Variants in EPN2 observed in about 807,000 individuals in gnomAD.
The protein encoded by EPN2 is epsin 2.
Under a neutral mutation model 61.7 loss-of-function variants are expected in EPN2, and 34 were observed. The ratio of observed to expected loss-of-function variants is 0.55; its 90% CI spans 0.42 to 0.73. The LOEUF (loss-of-function observed/expected upper bound fraction) is 0.73. EPN2 is among the 30% of genes least tolerant of loss of function. The pLI, the probability that EPN2 is intolerant of heterozygous loss-of-function variation, is 0.00. For synonymous variants in EPN2, 349 were observed against 353.6 expected (o/e 0.99, Z 0.15); for missense variants, 714 against 839.2 (o/e 0.85, Z 1.84).
At chr17:19,277,060 A>G (rs540006120) in intron 1 of EPN2, among the ~76,000 whole-genome samples, 2 of 152,260 alleles carry the variant, frequency 1.3e-5, no homozygotes, top group Non-Finnish European at 2.9e-5. Context: ...GGAGCGTGCA[A>G]ACTATGCGAA....
At chr17:19,266,291 G>A (rs950913804) in intron 1 of EPN2, among the ~76,000 whole-genome samples, 3 of 152,098 alleles carry the variant, frequency 2.0e-5, no homozygotes, top group Non-Finnish European at 2.9e-5. Flanking sequence ...AAAGTTAAAC[G>A]TGTAGTTACC....
At position 19,329,667 on chromosome 17, in the gene EPN2, G is replaced by C; in HGVS notation, c.1411+20G>C. The C allele has an allele frequency of 6.8e-7, 1 of 1,464,324 alleles. No homozygotes were observed. Among genetic ancestry groups the C allele is most frequent in the Non-Finnish European group, 9.5e-7 (1 of 1,048,236 alleles). 90.7% of individuals were successfully genotyped at this position (1,464,324 alleles called of 1,614,324 possible). On this transcript the variant is annotated intron_variant, in intron 9 of 10. Coordinates refer to ENST00000314728, the MANE Select transcript of EPN2 (RefSeq NM_014964.5). ...AAACAGGTATGTACAGGTGATGATG[G>C]TTTCCATAATCCTCCGTGCATTTGA...
chr17:19,299,728 A>C (rs1215385551), intron 4 of EPN2, among the ~76,000 whole-genome samples: 2 of 152,122 alleles, frequency 1.3e-5, no homozygotes, highest in Admixed American at 1.3e-4. Context: ...AAATGAATGG[A>C]CTGCCTTTTG....
At chr17:19,319,355 C>T (rs983407440) in intron 7 of EPN2, among the ~76,000 whole-genome samples, 4 of 151,840 alleles carry the variant, frequency 2.6e-5, no homozygotes, top group South Asian at 2.1e-4. Context: ...GATGGAGTCT[C>T]GTTTTGTCAC....
chr17:19,273,781 A>G (rs1451885838), intron 1 of EPN2, among the ~76,000 whole-genome samples: 1 of 152,236 alleles, frequency 6.6e-6, no homozygotes, highest in Non-Finnish European at 1.5e-5. Context: ...TATGAGGGAA[A>G]TAAAGGATTT....
At chr17:19,276,818 G>T (rs2045312242) in intron 1 of EPN2, among the ~76,000 whole-genome samples, 1 of 118,358 alleles carries the variant, frequency 8.4e-6, no homozygotes, top group Non-Finnish European at 1.6e-5. Flanking sequence ...ACTTTTAACA[G>T]AGTTTAATAC....
chr17:19,272,099 T>C (rs1315209871), intron 1 of EPN2, among the ~76,000 whole-genome samples: 1 of 152,196 alleles, frequency 6.6e-6, no homozygotes, highest in African/African-American at 2.4e-5. Context: ...TGGTAGTCCA[T>C]AGCTCGGCCT....
At chr17:19,258,542 C>A (rs953996026) in intron 1 of EPN2, among the ~76,000 whole-genome samples, 1 of 152,158 alleles carries the variant, frequency 6.6e-6, no homozygotes, top group Non-Finnish European at 1.5e-5. Context: ...CATATTCTTT[C>A]CACACAGTTT....
chr17:19,266,060 T>C (rs1264534999), intron 1 of EPN2, among the ~76,000 whole-genome samples: 1 of 152,056 alleles, frequency 6.6e-6, no homozygotes, highest in Non-Finnish European at 1.5e-5. Context: ...TCTTCCTACT[T>C]CCGCCTCTGC....
Position 19,279,444 on chromosome 17 carries a change from G to GT in EPN2, c.-293-2499dup, listed in dbSNP as rs1012028987. On this transcript the variant is annotated intron_variant, in intron 1 of 10. Transcript: ENST00000314728. Reference sequence around the variant, plus strand: ...CACTTAGGAAAGTGTTCCTTTTTTTGTTTTTTTTTTTTGAGACAGAGTCTC... The same window carrying GT: ...CACTTAGGAAAGTGTTCCTTTTTTTGTTTTTTTTTTTTTGAGACAGAGTCTC... Among the ~76,000 whole-genome samples, 1,174 of 143,266 alleles carry GT rather than the reference G, an allele frequency of 8.2e-3. 13 individuals are homozygous for GT. Among genetic ancestry groups the GT allele is most frequent in the African/African-American group, 0.023 (908 of 39,372 alleles). The allele number at this position is 143,266 out of a possible 152,430, so 94.0% of individuals were successfully genotyped here.
chr17:19,286,236 C>A (rs1173307941), intron 4 of EPN2, among the ~76,000 whole-genome samples: 1 of 152,168 alleles, frequency 6.6e-6, no homozygotes, highest in African/African-American at 2.4e-5. Flanking sequence ...AAGCCATTAT[C>A]CTTAATGCAG....
intron 7 of EPN2, among the ~76,000 whole-genome samples, chr17:19,326,647 A>T (rs555431186): frequency 2.7e-4 from 39 of 144,748 alleles, no homozygotes; most frequent in Non-Finnish European, 4.6e-4. Context: ...TGATTGCGCC[A>T]CTGCACTCCA....
At chr17:19,296,186 C>T (rs185760360) in intron 4 of EPN2, among the ~76,000 whole-genome samples, 87 of 152,124 alleles carry the variant, frequency 5.7e-4, no homozygotes, top group African/African-American at 1.8e-3. Context: ...AGTCTCACCC[C>T]GTCACCCAGG....
Position 19,334,046 on chromosome 17 carries a change from TG to T in EPN2, c.1722del (p.Thr575ProfsTer19). On this transcript the variant is annotated frameshift_variant, in exon 11 of 11. Transcript: ENST00000314728. LOFTEE classifies it high-confidence loss of function. This position sits in a 1 kb window ranked among gnomAD's most constrained non-coding sequence, Gnocchi z 4.9. The stretch of plus-strand genomic sequence containing the variant: ...AACCAGCTTCGGGGGAGCCCAGTCC[TG>T]GGGACCAGCACATCCTTTGGGCCTG... Reference protein sequence around the residue: ...TLNQLRGSPVLGTSTSFGPGP... With the variant: ...TLNQLRGSPVXGTSTSFGPGP... 1 of 1,608,272 alleles carries T rather than the reference TG, an allele frequency of 6.2e-7. No individual in the cohort carries two copies. The highest frequency in any genetic ancestry group is 1.3e-5 in the African/African-American group (1 of 74,978).
chr17:19,251,100 G>A (rs926373161), intron 1 of EPN2, among the ~76,000 whole-genome samples: 27 of 152,138 alleles, frequency 1.8e-4, no homozygotes, highest in African/African-American at 6.5e-4. Context: ...TGGTGTTTGT[G>A]AAAAGCAAGT....
chr17:19,276,360 A>ATTTTTTTTTTTTTT (rs140536354), intron 1 of EPN2: 7 of 79,920 alleles, frequency 8.8e-5, no homozygotes, highest in African/African-American at 3.1e-4. Flanking sequence ...GCTAATTAAA[A>ATTTTTTTTTTTTTT]TTTTTTTTTT....
chr17:19,256,728 A>C (rs955788222), intron 1 of EPN2, among the ~76,000 whole-genome samples: 1 of 152,068 alleles, frequency 6.6e-6, no homozygotes, highest in East Asian at 1.9e-4. Flanking sequence ...AGTGACTTAA[A>C]ATTTAGCTGT....
intron 1 of EPN2, among the ~76,000 whole-genome samples, chr17:19,239,659 C>T (rs1178502231): frequency 6.6e-6 from 1 of 152,192 alleles, no homozygotes; most frequent in Non-Finnish European, 1.5e-5. Flanking sequence ...GTCCCCGGAC[C>T]AGGAGCCAGT....
At chr17:19,238,413 C>G (rs2044843331) in intron 1 of EPN2, among the ~76,000 whole-genome samples, 1 of 152,208 alleles carries the variant, frequency 6.6e-6, no homozygotes, top group African/African-American at 2.4e-5. Context: ...CAGTGGCTTT[C>G]CCTGGGGCAG....
Sources: allele counts gnomAD v4.1 joint callset (sites outside exome capture counted in the v4.1 genomes callset), GRCh38; gene constraint gnomAD v4.1.1; non-coding constraint Gnocchi (gnomAD v3.1); transcripts MANE v1.5; gene names NCBI Gene and HGNC (gene_info 2026-07-23, HGNC 2026-07-21).